SMC6: variants seen among roughly 807,000 people sequenced by gnomAD.
SMC6 encodes structural maintenance of chromosomes protein 6.
SMC6 carries 79 observed loss-of-function variants against 142.2 expected under a neutral mutation model. That is an observed-to-expected ratio of 0.56 (90% CI 0.46 to 0.67). SMC6 has a LOEUF of 0.67. Among genes scored for constraint, SMC6 ranks in the 30% least tolerant of loss-of-function variants. The pLI, the probability that SMC6 is intolerant of heterozygous loss-of-function variation, is 0.00. For synonymous variants in SMC6, 411 were observed against 412.4 expected (o/e 1.00, Z 0.04); for missense variants, 1,072 against 1,284.0 (o/e 0.83, Z 2.52).
At chr2:17,740,893 A>C in intron 4 of SMC6, 1 of 273,522 alleles carries the variant, frequency 3.7e-6, no homozygotes, top group Non-Finnish European at 7.2e-6. Context: ...CCAAACCACC[A>C]AACAACAAAC....
intron 5 of SMC6, among the ~76,000 whole-genome samples, chr2:17,733,328 A>G (rs1287680313): frequency 6.6e-6 from 1 of 152,218 alleles, no homozygotes; most frequent in Non-Finnish European, 1.5e-5. Flanking sequence ...ATAATTTTCC[A>G]TCCCATCCTC....
Position 17,700,377 on chromosome 2 carries a change from T to C in SMC6, c.2225A>G (p.Glu742Gly). Residue 742 changes from glutamate to glycine, a missense_variant and splice_region_variant, in exon 21 of 28, where the codon GAA becomes GGA. This residue lies in a region of SMC6 where 994 missense variants were observed against 1,153.2 expected (regional missense o/e 0.86). Transcript: ENST00000448223. ...EHQSVDIATLEDEAQENKSKM... is the reference protein window; with the variant it reads ...EHQSVDIATLGDEAQENKSKM... ...GCTTTTATTTTCCTGAGCTTCATCT[T>C]CCTGATAAAATTTAAACAGCATATA... 2 of 1,592,590 alleles carry C rather than the reference T, an allele frequency of 1.3e-6. No homozygotes were observed. The highest frequency in any genetic ancestry group is 1.7e-6 in the Non-Finnish European group (2 of 1,172,550).
At chr2:17,698,431 T>C (rs1370926786) in intron 21 of SMC6, among the ~76,000 whole-genome samples, 1 of 152,086 alleles carries the variant, frequency 6.6e-6, no homozygotes, top group East Asian at 1.9e-4. Flanking sequence ...ATATTTAGAA[T>C]TGCTATGTAT....
At chr2:17,671,492 C>T (rs1416603616) in intron 25 of SMC6, among the ~76,000 whole-genome samples, 2 of 150,590 alleles carry the variant, frequency 1.3e-5, no homozygotes, top group Non-Finnish European at 3.0e-5. Flanking sequence ...TCCTGTGGTC[C>T]CAACTACTTG....
intron 26 of SMC6, among the ~76,000 whole-genome samples, chr2:17,669,030 G>A (rs1199982796): frequency 6.6e-6 from 1 of 152,144 alleles, no homozygotes; most frequent in Non-Finnish European, 1.5e-5. Flanking sequence ...CAGGTATGAG[G>A]CGAAGATAAG....
intron 26 of SMC6, 77 bp from the exon 27 acceptor site, chr2:17,666,594 T>C (rs987678322): frequency 3.3e-5 from 33 of 1,015,128 alleles, no homozygotes; most frequent in Non-Finnish European, 4.8e-5. Context: ...TGTGGGCTGA[T>C]ACAAGCTCCT....
At chr2:17,694,280 G>A (rs1055546612) in intron 23 of SMC6, among the ~76,000 whole-genome samples, 5 of 152,136 alleles carry the variant, frequency 3.3e-5, no homozygotes, top group African/African-American at 1.2e-4. Context: ...AAGTTCTGCT[G>A]TTTGATAGCA....
Position 17,707,917 on chromosome 2 carries a change from A to AT in SMC6, c.1846-539dup, listed in dbSNP as rs1468851451. ...CAGACCTTTACAACAACGCTTCATT[A>AT]TTTTTTTTCAAGTACCATTCTAAAA... On this transcript the variant is annotated intron_variant, in intron 17 of 27. Coordinates refer to ENST00000448223, the MANE Select transcript of SMC6 (RefSeq NM_001142286.2). Among the ~76,000 whole-genome samples the AT allele has an allele frequency of 2.6e-5, 4 of 151,704 alleles. No homozygotes were observed. The East Asian group carries it at 5.8e-4, about 22-fold the overall frequency.
intron 20 of SMC6, 21 bp from the exon 21 acceptor site, chr2:17,700,399 T>C (rs1402340118): frequency 1.9e-6 from 3 of 1,543,682 alleles, no homozygotes; most frequent in East Asian, 2.3e-5. Context: ...TTAAACAGCA[T>C]ATAAGGTTAA....
chr2:17,746,143 G>T, intron 2 of SMC6, 192 bp from the exon 3 acceptor site: 2 of 514,942 alleles, frequency 3.9e-6, no homozygotes, highest in Non-Finnish European at 6.3e-6. Flanking sequence ...GCTGGAAAAG[G>T]CAAGGAAATA....
intron 10 of SMC6, 47 bp downstream of exon 10, chr2:17,721,095 T>C: frequency 6.2e-7 from 1 of 1,611,778 alleles, no homozygotes; most frequent in Non-Finnish European, 8.5e-7. Flanking sequence ...CCAAATACAT[T>C]CTGCATATCA....
chr2:17,744,301 T>C (rs1242500358), intron 3 of SMC6, among the ~76,000 whole-genome samples: 1 of 152,214 alleles, frequency 6.6e-6, no homozygotes, highest in Non-Finnish European at 1.5e-5. Context: ...TGTTTTAATT[T>C]GCATCGTCCC....
Position 17,708,754 on chromosome 2 carries a change from C to A in SMC6, c.1731-1G>T. On this transcript the variant is annotated splice_acceptor_variant, in intron 16 of 27. Coordinates refer to ENST00000448223, the MANE Select transcript of SMC6 (RefSeq NM_001142286.2). LOFTEE classifies it high-confidence loss of function. ...TGGAAAGTCTGGATGATAAGCAGCT[C>A]TAGGAGACAAAAATACAGAAGGATT... 2 of 1,473,692 alleles carry A rather than the reference C, an allele frequency of 1.4e-6. No homozygotes were observed. The highest frequency in any genetic ancestry group is 3.0e-5 in the South Asian group (2 of 65,630). The allele number at this position is 1,473,692 out of a possible 1,614,324, so 91.3% of individuals were successfully genotyped here.
chr2:17,736,296 T>TATA lies in SMC6; in HGVS notation c.344+1922_344+1924dup, dbSNP rs201017494. Among the ~76,000 whole-genome samples, 11 of 152,214 alleles carry TATA rather than the reference T, an allele frequency of 7.2e-5. No individual in the cohort carries two copies. The East Asian group carries it at 2.1e-3, about 29-fold the overall frequency. On this transcript the variant is annotated intron_variant, in intron 5 of 27. Transcript: ENST00000448223. ...TTGTACTGGAAAAGAAAAAATAAAATATAACTATTTCACTCTACAGGCAGC... is the reference window on the plus strand; with the variant it reads ...TTGTACTGGAAAAGAAAAAATAAAATATAATAACTATTTCACTCTACAGGCAGC...
intron 12 of SMC6, 97 bp from the exon 13 acceptor site, chr2:17,717,273 G>A: frequency 5.7e-6 from 4 of 705,550 alleles, no homozygotes; most frequent in South Asian, 4.5e-5. Context: ...AATATATACA[G>A]GAATATATTT....
chr2:17,710,308 G>GA (rs1477181599), intron 16 of SMC6, among the ~76,000 whole-genome samples: 1 of 152,182 alleles, frequency 6.6e-6, no homozygotes, highest in Non-Finnish European at 1.5e-5. Context: ...GAAGATTACT[G>GA]AAAGTGCAGG....
At chr2:17,683,575 T>C in intron 24 of SMC6, 63 bp downstream of exon 24, 1 of 1,386,088 alleles carries the variant, frequency 7.2e-7, no homozygotes, top group Non-Finnish European at 9.9e-7. Flanking sequence ...ATTATATAAA[T>C]AATATGAAAA....
At chr2:17,697,935 A>AT (rs1359562601) in intron 21 of SMC6, among the ~76,000 whole-genome samples, 4 of 152,110 alleles carry the variant, frequency 2.6e-5, no homozygotes, top group African/African-American at 9.6e-5. Context: ...GAATGCATAA[A>AT]TGTGAACATG....
intron 11 of SMC6, among the ~76,000 whole-genome samples, chr2:17,719,741 A>T (rs750689441): frequency 1.3e-5 from 2 of 152,184 alleles, no homozygotes; most frequent in Non-Finnish European, 2.9e-5. Flanking sequence ...TTGAAATTCC[A>T]CTTACTGCCT....
Sources: gnomAD v4.1 joint callset for allele counts (sites outside exome capture counted in the v4.1 genomes callset) on GRCh38, gnomAD v4.1.1 for gene constraint, gnomAD v4.1.1 regional missense constraint, MANE v1.5 for transcripts, NCBI Gene and HGNC (gene_info 2026-07-23, HGNC 2026-07-21) for gene names.